The following CHSY3 variants were observed in gnomAD, a reference collection of about 807,000 sequenced individuals.
CHSY3 encodes chondroitin sulfate synthase 3.
In CHSY3, 35 loss-of-function variants were observed where a neutral mutation model predicts 67.2. The observed-to-expected ratio is 0.52, with a 90% CI of 0.40 to 0.69. The LOEUF (loss-of-function observed/expected upper bound fraction) is 0.69. Ranked by LOEUF, CHSY3 falls within the 30% of genes least tolerant of loss-of-function variation. The pLI, the probability that CHSY3 is intolerant of heterozygous loss-of-function variation, is 0.00. For missense variants in CHSY3, 1,069 were observed against 1,138.5 expected (o/e 0.94, Z 0.88); for synonymous variants, 474 against 434.7 (o/e 1.09, Z -1.12).
chr5:130,154,856 T>C (rs1769327043), intron 2 of CHSY3, among the ~76,000 whole-genome samples: 1 of 152,168 alleles, frequency 6.6e-6, no homozygotes, highest in South Asian at 2.1e-4. Context: ...GAGTGTTAGA[T>C]AGAGACTGGC....
intron 2 of CHSY3, among the ~76,000 whole-genome samples, chr5:130,107,502 T>G (rs754599541): frequency 3.3e-5 from 5 of 151,520 alleles, no homozygotes; most frequent in Admixed American, 6.6e-5. Flanking sequence ...TTAATATATA[T>G]AGAGGAAATG....
At chr5:130,142,438 A>G (rs1768896428) in intron 2 of CHSY3, among the ~76,000 whole-genome samples, 1 of 152,212 alleles carries the variant, frequency 6.6e-6, no homozygotes, top group African/African-American at 2.4e-5. Flanking sequence ...CCAACTGGAA[A>G]ACTGAAACCT....
intron 2 of CHSY3, among the ~76,000 whole-genome samples, chr5:129,999,610 A>G (rs1341102660): frequency 6.6e-6 from 1 of 152,094 alleles, no homozygotes; most frequent in Non-Finnish European, 1.5e-5. Flanking sequence ...TTTTCCCTAT[A>G]GTCTCATTTT....
intron 2 of CHSY3, among the ~76,000 whole-genome samples, chr5:130,152,620 A>AT (rs1326322660): frequency 6.6e-6 from 1 of 152,220 alleles, no homozygotes; most frequent in African/African-American, 2.4e-5. Context: ...AAATTCACAT[A>AT]TGGAATACCT....
At chr5:129,925,368 G>A (rs923420014) in intron 2 of CHSY3, among the ~76,000 whole-genome samples, 1 of 152,120 alleles carries the variant, frequency 6.6e-6, no homozygotes, top group African/African-American at 2.4e-5. Flanking sequence ...AGAGAAATGG[G>A]AAGGCTTGAA....
At chr5:130,076,005 A>C (rs1204482942) in intron 2 of CHSY3, among the ~76,000 whole-genome samples, 1 of 152,122 alleles carries the variant, frequency 6.6e-6, no homozygotes, top group African/African-American at 2.4e-5. Context: ...TGCATACTCA[A>C]ATCCATAGGA....
chr5:129,954,570 G>T (rs1468464909), intron 2 of CHSY3, among the ~76,000 whole-genome samples: 1 of 151,956 alleles, frequency 6.6e-6, no homozygotes, highest in Non-Finnish European at 1.5e-5. Context: ...AATTACTTTG[G>T]TCCGTATGGC....
At chr5:130,054,488 A>G (rs1765463534) in intron 2 of CHSY3, among the ~76,000 whole-genome samples, 1 of 152,276 alleles carries the variant, frequency 6.6e-6, no homozygotes, top group South Asian at 2.1e-4. Flanking sequence ...TAAGAAGATA[A>G]GGCCCAGAGC....
intron 2 of CHSY3, among the ~76,000 whole-genome samples, chr5:129,939,003 G>A (rs1226303610): frequency 6.6e-6 from 1 of 152,158 alleles, no homozygotes; most frequent in Admixed American, 6.5e-5. Context: ...AACTGAGACT[G>A]GGTAATTTAT....
At chr5:130,091,111 A>AACACAC (rs143104865) in intron 2 of CHSY3, among the ~76,000 whole-genome samples, 7,762 of 148,746 alleles carry the variant, frequency 0.052, 224 homozygotes, top group South Asian at 0.092. Context: ...ACTTAAACGC[A>AACACAC]ACACACACAC....
chr5:129,937,552 A>G (rs1050174275), intron 2 of CHSY3, among the ~76,000 whole-genome samples: 6 of 152,160 alleles, frequency 3.9e-5, no homozygotes, highest in African/African-American at 1.4e-4. Flanking sequence ...CAGTCCCTGA[A>G]AGTCTTAACT....
intron 2 of CHSY3, among the ~76,000 whole-genome samples, chr5:130,159,149 A>G (rs183826842): frequency 6.9e-6 from 1 of 144,432 alleles, no homozygotes; most frequent in African/African-American, 2.5e-5. Flanking sequence ...TTAATTCTGC[A>G]TTAAGATTTG....
intron 2 of CHSY3, among the ~76,000 whole-genome samples, chr5:130,089,666 A>G (rs1477261836): frequency 2.6e-5 from 4 of 152,180 alleles, no homozygotes; most frequent in African/African-American, 9.6e-5. Context: ...TACATGAAAC[A>G]TGATCACTGC....
intron 2 of CHSY3, among the ~76,000 whole-genome samples, chr5:129,965,117 CA>C (rs1159026583): frequency 1.3e-5 from 2 of 151,840 alleles, no homozygotes; most frequent in African/African-American, 2.4e-5. Flanking sequence ...GTTTTCCTTC[CA>C]GGGGGAAGAG....
At chr5:130,025,026 T>C (rs1764500444) in intron 2 of CHSY3, among the ~76,000 whole-genome samples, 2 of 152,182 alleles carry the variant, frequency 1.3e-5, no homozygotes, top group African/African-American at 4.8e-5. Context: ...TAAGGCAGGT[T>C]ATATAGTGGA....
intron 2 of CHSY3, among the ~76,000 whole-genome samples, chr5:130,163,958 T>C (rs1769645291): frequency 6.6e-6 from 1 of 152,176 alleles, no homozygotes; most frequent in African/African-American, 2.4e-5. Flanking sequence ...AACAGAGCTA[T>C]GCAAGAAGGT....
intron 2 of CHSY3, among the ~76,000 whole-genome samples, chr5:129,993,182 T>C (rs995632623): frequency 6.6e-6 from 1 of 152,164 alleles, no homozygotes; most frequent in Non-Finnish European, 1.5e-5. Context: ...TTAATTCATG[T>C]TGGAGCCAAG....
At position 130,160,167 on chromosome 5, in the gene CHSY3, A is replaced by G. The variant is rs531502020; in HGVS notation, c.1087-24062A>G. Among the ~76,000 whole-genome samples the G allele has an allele frequency of 3.3e-5, 5 of 152,324 alleles. No individual in the cohort carries two copies. In the East Asian group the frequency reaches 9.6e-4, roughly 29 times the overall value. On this transcript the variant is annotated intron_variant, in intron 2 of 2. Coordinates refer to ENST00000305031, the MANE Select transcript of CHSY3 (RefSeq NM_175856.5). Reference sequence around the variant, plus strand: ...GAGTATTTGCATTCTATTTTTATTCATAGAAAGATTATGTAAATTGGAACC... The same window carrying G: ...GAGTATTTGCATTCTATTTTTATTCGTAGAAAGATTATGTAAATTGGAACC...
chr5:130,105,246 A>G (rs185586338), intron 2 of CHSY3, among the ~76,000 whole-genome samples: 158 of 151,796 alleles, frequency 1.0e-3, no homozygotes, highest in African/African-American at 3.7e-3. Context: ...TGGACACAAG[A>G]ATTTAAGAAC....
Sources: gnomAD v4.1 joint callset for allele counts (sites outside exome capture counted in the v4.1 genomes callset) on GRCh38, gnomAD v4.1.1 for gene constraint, MANE v1.5 for transcripts, NCBI Gene and HGNC (gene_info 2026-07-23, HGNC 2026-07-21) for gene names.